Variants in SEMA6D observed in about 807,000 individuals in gnomAD.
The protein encoded by SEMA6D is semaphorin-6D.
SEMA6D carries 35 observed loss-of-function variants against 106.6 expected under a neutral mutation model. The ratio of observed to expected loss-of-function variants is 0.33; its 90% confidence interval spans 0.25 to 0.44. SEMA6D has a LOEUF of 0.44. Ranked by LOEUF, SEMA6D falls within the 20% of genes least tolerant of loss-of-function variation. The pLI is 1.00. For missense variants in SEMA6D, 1,185 were observed against 1,345.9 expected, an observed-to-expected ratio of 0.88 and a Z score of 1.87; for synonymous variants, 499 against 487.7, an observed-to-expected ratio of 1.02 and a Z score of -0.31.
chr15:47,746,608 G>A (rs1171526699), intron 1 of SEMA6D, among the ~76,000 whole-genome samples: 5 of 152,254 alleles, frequency 3.3e-5, no homozygotes, highest in South Asian at 2.1e-4. Context: ...TCTGTCATCC[G>A]AGCCCAAAGG....
In SEMA6D at chr15:47,592,112, G is replaced by A. The variant is rs565626139; in HGVS notation, c.-86-8753G>A. Among the ~76,000 whole-genome samples the A allele has an allele frequency of 3.9e-5, 6 of 152,318 alleles. No homozygotes were observed. In the East Asian group the frequency reaches 1.2e-3, roughly 29 times the overall value. ...CCCTAATCTAGGTCTCCAGCAGTCAGCGAACTAGATGTTATTTCTAAAATC... is the reference window on the plus strand; with the variant it reads ...CCCTAATCTAGGTCTCCAGCAGTCAACGAACTAGATGTTATTTCTAAAATC... On this transcript the variant is annotated intron_variant, in intron 3 of 19. Transcript: ENST00000558014.
At chr15:47,301,111 G>A (rs1249290059) in intron 1 of SEMA6D, among the ~76,000 whole-genome samples, 1 of 152,210 alleles carries the variant, frequency 6.6e-6, no homozygotes, top group African/African-American at 2.4e-5. Context: ...ACAAAATGGA[G>A]TTCGAGTTCT....
At chr15:47,739,055 G>A (rs951167082) in intron 1 of SEMA6D, among the ~76,000 whole-genome samples, 56 of 152,148 alleles carry the variant, frequency 3.7e-4, no homozygotes, top group African/African-American at 1.4e-3. Flanking sequence ...AATAGGAAGT[G>A]GAAGCTGCCT....
chr15:47,436,885 A>G (rs771953550), intron 2 of SEMA6D, among the ~76,000 whole-genome samples: 48 of 149,642 alleles, frequency 3.2e-4, no homozygotes, highest in Non-Finnish European at 6.4e-4. Flanking sequence ...AGTGAGCTGC[A>G]ATTGTGCCAC....
At chr15:47,595,684 A>G (rs1278262207) in intron 3 of SEMA6D, among the ~76,000 whole-genome samples, 1 of 152,152 alleles carries the variant, frequency 6.6e-6, no homozygotes. Context: ...TAAATGACCC[A>G]TGAAGTCATC....
intron 1 of SEMA6D, among the ~76,000 whole-genome samples, chr15:47,275,946 G>A (rs1319208865): frequency 2.0e-5 from 3 of 152,108 alleles, no homozygotes; most frequent in Non-Finnish European, 4.4e-5. Flanking sequence ...ACACATGAAT[G>A]ATATGAAAGC....
intron 3 of SEMA6D, among the ~76,000 whole-genome samples, chr15:47,598,364 C>A (rs1276426300): frequency 6.6e-6 from 1 of 152,114 alleles, no homozygotes; most frequent in Non-Finnish European, 1.5e-5. Flanking sequence ...AGAAGGATGT[C>A]ATGTGTCCAT....
chr15:47,750,517 T>G (rs1476617701), intron 1 of SEMA6D, among the ~76,000 whole-genome samples: 1 of 152,114 alleles, frequency 6.6e-6, no homozygotes, highest in Non-Finnish European at 1.5e-5. Context: ...GAATCATCCC[T>G]GATTTGTTCC....
At chr15:47,611,419 A>T (rs1175856786) in intron 4 of SEMA6D, among the ~76,000 whole-genome samples, 2 of 152,226 alleles carry the variant, frequency 1.3e-5, no homozygotes, top group Non-Finnish European at 2.9e-5. Context: ...AATTTTTAAG[A>T]TTTGGGAAAA....
At chr15:47,241,313 G>C (rs1031773400) in intron 1 of SEMA6D, 6 of 152,118 alleles carry the variant, frequency 3.9e-5, no homozygotes, top group African/African-American at 1.4e-4. Context: ...TTTCACAAAA[G>C]AAACGACCGA....
intron 3 of SEMA6D, chr15:47,527,731 G>A (rs1822043151): frequency 6.6e-6 from 1 of 152,046 alleles, no homozygotes; most frequent in African/African-American, 2.4e-5. Flanking sequence ...TGAAGAAAAG[G>A]AAAAATAAAT....
chr15:47,732,168 A>T (rs1383809740), intron 1 of SEMA6D, among the ~76,000 whole-genome samples: 1 of 152,218 alleles, frequency 6.6e-6, no homozygotes, highest in African/African-American at 2.4e-5. Context: ...TTTGGACTAC[A>T]GGTAAGAGGA....
intron 3 of SEMA6D, among the ~76,000 whole-genome samples, chr15:47,499,024 T>G (rs2043759865): frequency 6.6e-6 from 1 of 152,218 alleles, no homozygotes; most frequent in Non-Finnish European, 1.5e-5. Flanking sequence ...GTATAAAGTA[T>G]TGTTGTTGCC....
intron 1 of SEMA6D, among the ~76,000 whole-genome samples, chr15:47,219,738 G>A (rs1448006503): frequency 6.6e-6 from 1 of 152,154 alleles, no homozygotes; most frequent in Non-Finnish European, 1.5e-5. Context: ...CCTCAAAAGC[G>A]GTGTTTGAAA....
At chr15:47,498,889 A>G (rs2043756243) in intron 3 of SEMA6D, among the ~76,000 whole-genome samples, 1 of 152,190 alleles carries the variant, frequency 6.6e-6, no homozygotes, top group Admixed American at 6.6e-5. Context: ...GTAGATTTCT[A>G]GTAGCCCTGC....
chr15:47,253,371 A>T (rs1421566063), intron 1 of SEMA6D, among the ~76,000 whole-genome samples: 1 of 151,876 alleles, frequency 6.6e-6, no homozygotes, highest in South Asian at 2.1e-4. Context: ...ATGTAATCCC[A>T]TTTGTCTATT....
rs1450280537 is a variant in SEMA6D, at chr15:47,197,887, ATTTC to A, written c.-239+13475_-239+13478del. The stretch of plus-strand genomic sequence containing the variant: ...TTTTTACTAATTTTTCAAAATACAA[ATTTC>A]TTTCTGTGTCATATTTGTAAACTAA... On this transcript the variant is annotated intron_variant, in intron 1 of 19. Transcript: ENST00000558014. Among the ~76,000 whole-genome samples the A allele has an allele frequency of 5.3e-5, 8 of 152,138 alleles. No individual in the cohort carries two copies. In the East Asian group the frequency reaches 1.2e-3, roughly 22 times the overall value.
At chr15:47,228,405 A>G (rs995006442) in intron 1 of SEMA6D, among the ~76,000 whole-genome samples, 1 of 151,910 alleles carries the variant, frequency 6.6e-6, no homozygotes, top group Non-Finnish European at 1.5e-5. Flanking sequence ...TTGTCGGAAA[A>G]TGGTTGCACA....
chr15:47,759,856 G>T lies in SEMA6D; in HGVS notation c.58G>T (p.Ala20Ser). Residue 20 changes from alanine (A) to serine (S), a missense_variant, in exon 2 of 19, where the codon GCA (alanine) becomes TCA (serine). Physicochemically the swap from Ala to Ser is moderately conservative, Grantham distance 99. This residue lies in a region of SEMA6D where 144 missense variants were observed against 138.6 expected (regional missense o/e 1.04). Transcript: ENST00000536845. ...ILLLMVSQLR[A>S]VSFPEDDEPL... Reference sequence around the variant, plus strand: ...GCTGCTGATGGTTTCCCAGTTGAGGGCAGTCAGCTTTCCTGAAGATGATGA... The same window carrying T: ...GCTGCTGATGGTTTCCCAGTTGAGGTCAGTCAGCTTTCCTGAAGATGATGA... 6.2e-7 allele frequency: 1 copy of T among 1,613,828 alleles called. No homozygotes were observed. The highest frequency in any genetic ancestry group is 8.5e-7 in the Non-Finnish European group (1 of 1,179,760).
Sources: allele counts gnomAD v4.1 joint callset (sites outside exome capture counted in the v4.1 genomes callset), GRCh38; gene constraint gnomAD v4.1.1; regional missense constraint gnomAD v4.1.1; transcripts MANE v1.5; gene names NCBI Gene and HGNC (gene_info 2026-07-23, HGNC 2026-07-21).